SPINT1: variants seen among roughly 807,000 people sequenced by gnomAD.
The protein encoded by SPINT1 is serine peptidase inhibitor, Kunitz type 1, also known as kunitz-type protease inhibitor 1.
A neutral mutation model predicts 53.7 loss-of-function variants in SPINT1; 38 were observed. That is an observed-to-expected ratio of 0.71 (90% CI 0.55 to 0.93). The LOEUF (loss-of-function observed/expected upper bound fraction) is 0.93, where lower values mean the gene tolerates loss of function less well. SPINT1 is among the 40% of genes least tolerant of loss of function. The pLI is 0.00. For missense variants in SPINT1, 645 were observed against 692.9 expected, an observed-to-expected ratio of 0.93 and a Z score of 0.78; for synonymous variants, 283 against 280.6, an observed-to-expected ratio of 1.01 and a Z score of -0.08.
At chr15:40,852,627 C>CTGTGTGTGTGTGTGTG (rs3033553) in intron 2 of SPINT1, among the ~76,000 whole-genome samples, 34 of 143,498 alleles carry the variant, frequency 2.4e-4, no homozygotes, top group African/African-American at 8.1e-4. Context: ...AAGTAAGTGT[C>CTGTGTGTGTGTGTGTG]TGTGTGTGTG....
chr15:40,850,198 G>A (rs1391238134), intron 2 of SPINT1, among the ~76,000 whole-genome samples: 2 of 151,994 alleles, frequency 1.3e-5, no homozygotes, highest in Admixed American at 6.6e-5. Flanking sequence ...TCAGCCTCCC[G>A]AGCAGCTGGG....
At position 40,844,495 on chromosome 15, in the gene SPINT1, C is replaced by A; in HGVS notation, c.-60C>A. 1 of 1,531,790 alleles carries A rather than the reference C, an allele frequency of 6.5e-7. No homozygotes were observed. Among genetic ancestry groups the A allele is most frequent in the South Asian group, 1.1e-5 (1 of 89,340 alleles). The allele number at this position is 1,531,790 out of a possible 1,614,324, so 94.9% of individuals were successfully genotyped here. A position where few individuals can be genotyped will look rare whatever the true frequency, so the allele number is the denominator to read the frequency against. Reference sequence around the variant, plus strand: ...GTCCCCTCCCTTCTTCTCAGGTCACCAGCACCCTCGGAACCCAGAGGCCCG... The same window carrying A: ...GTCCCCTCCCTTCTTCTCAGGTCACAAGCACCCTCGGAACCCAGAGGCCCG... On this transcript the variant is annotated 5_prime_UTR_variant, in exon 2 of 11. Coordinates refer to ENST00000562057, the MANE Select transcript of SPINT1 (RefSeq NM_003710.4). The surrounding 1 kb of genome is among the most constrained non-coding windows in gnomAD (Gnocchi z 5.8).
At chr15:40,849,119 A>G (rs647423) in intron 2 of SPINT1, among the ~76,000 whole-genome samples, 98,219 of 151,132 alleles carry the variant, frequency 0.65, 34,663 homozygotes, top group East Asian at 0.99. Flanking sequence ...GGTGGTGGGC[A>G]CCTGTAGTCC....
At position 40,854,496 on chromosome 15, in the gene SPINT1, C is replaced by T. The variant is rs1285555339; in HGVS notation, c.1040C>T (p.Ala347Val). The change falls in exon 7 of 11, where the codon GCC becomes GTC. Residue 347 changes from alanine to valine, a missense_variant. Transcript: ENST00000562057. ...ECDDTPNCPDASDEAACEKYT... is the reference protein window; with the variant it reads ...ECDDTPNCPDVSDEAACEKYT... ...GACGACACCCCCAACTGCCCCGACGCCTCCGACGAGGCTGCCTGTGAAAAA... is the reference window on the plus strand; with the variant it reads ...GACGACACCCCCAACTGCCCCGACGTCTCCGACGAGGCTGCCTGTGAAAAA... 2 of 1,613,418 alleles carry T rather than the reference C, an allele frequency of 1.2e-6. No homozygotes were observed. Among genetic ancestry groups the T allele is most frequent in the South Asian group, 2.2e-5 (2 of 91,058 alleles).
chr15:40,847,589 G>A (rs565496928), intron 2 of SPINT1, among the ~76,000 whole-genome samples: 25 of 152,110 alleles, frequency 1.6e-4, no homozygotes, highest in Non-Finnish European at 3.2e-4. Flanking sequence ...CTTAGGAGGC[G>A]GAGTCTGCAC....
At chr15:40,851,294 C>G (rs889173700) in intron 2 of SPINT1, among the ~76,000 whole-genome samples, 2 of 152,078 alleles carry the variant, frequency 1.3e-5, no homozygotes, top group African/African-American at 4.8e-5. Context: ...GCTGGGATTA[C>G]AGACATGTGC....
intron 10 of SPINT1, among the ~76,000 whole-genome samples, 179 bp downstream of exon 10, chr15:40,856,502 T>G (rs1229457577): frequency 6.6e-6 from 1 of 152,088 alleles, no homozygotes; most frequent in African/African-American, 2.4e-5. Context: ...TACAGTAAAG[T>G]GCGTGCCGAT....
intron 8 of SPINT1, 107 bp from the exon 9 acceptor site, chr15:40,855,785 G>A: frequency 7.7e-7 from 1 of 1,292,420 alleles, no homozygotes. Flanking sequence ...GGCCCTCCCT[G>A]AGCCATGGCA....
rs1381151933 is a variant in SPINT1, at chr15:40,853,209, A to C, written c.561A>C (p.Thr187=). ...EPLVLKDVEN[T]DWRLLRGDTD... ...TGGTGCTGAAGGATGTGGAAAACAC[A>C]GATTGGCGCCTACTGCGGGGTGACA... is the stretch of plus-strand genomic sequence containing the variant. Residue 187 remains threonine, a synonymous_variant, in exon 3 of 11, where the codon ACA becomes ACC. Coordinates refer to ENST00000562057, the MANE Select transcript of SPINT1 (RefSeq NM_003710.4). 6.2e-7 allele frequency: 1 copy of C among 1,614,096 alleles called. No individual in the cohort carries two copies. Among genetic ancestry groups the C allele is most frequent in the African/African-American group, 1.3e-5 (1 of 74,952 alleles).
At chr15:40,845,543 G>A (rs1021516684) in intron 2 of SPINT1, among the ~76,000 whole-genome samples, 2 of 152,164 alleles carry the variant, frequency 1.3e-5, no homozygotes, top group East Asian at 1.9e-4. Context: ...CCTTCACATC[G>A]GTAGTAGGCA....
chr15:40,844,321 T>G lies in SPINT1; in HGVS notation c.-66+135T>G. Reference sequence around the variant, plus strand: ...CGGTCCGCCTGTCCGTCTGTCTGGCTGCCGGGTCCCTGGAGGGCGCGTGGG... The same window carrying G: ...CGGTCCGCCTGTCCGTCTGTCTGGCGGCCGGGTCCCTGGAGGGCGCGTGGG... On this transcript the variant is annotated intron_variant, in intron 1 of 10. Transcript: ENST00000562057. The surrounding 1 kb of genome is among the most constrained non-coding windows in gnomAD (Gnocchi z 5.8). 1 of 599,972 alleles carries G rather than the reference T, an allele frequency of 1.7e-6. No individual in the cohort carries two copies. The highest frequency in any genetic ancestry group is 2.9e-6 in the Non-Finnish European group (1 of 339,378). The allele number at this position is 599,972 out of a possible 1,614,324, so 37.2% of individuals were successfully genotyped here. A position where few individuals can be genotyped will look rare whatever the true frequency, so the allele number is the denominator to read the frequency against.
rs1489854014 is a variant in SPINT1 at position 40,857,666 on chromosome 15, C to T, written c.*691C>T. On this transcript the variant is annotated 3_prime_UTR_variant, in exon 11 of 11. Coordinates refer to ENST00000562057, the MANE Select transcript of SPINT1 (RefSeq NM_003710.4). ...AAAGTGGTTTGTGGAGTTTCTGGCT[C>T]TGTTCTGTGGGCCAGGAGAGGGACT... The T allele has an allele frequency of 6.6e-6, 1 of 152,344 alleles. No homozygotes were observed. The highest frequency in any genetic ancestry group is 1.5e-5 in the Non-Finnish European group (1 of 68,152). The allele number at this position is 152,344 out of a possible 1,614,324, so 9.4% of individuals were successfully genotyped here.
intron 2 of SPINT1, among the ~76,000 whole-genome samples, chr15:40,848,274 C>T (rs549970820): frequency 1.3e-5 from 2 of 152,298 alleles, no homozygotes; most frequent in East Asian, 3.9e-4. Flanking sequence ...CTGTTCTTAG[C>T]TCTTTACCTT....
chr15:40,844,863 G>A lies in SPINT1; in HGVS notation c.309G>A (p.Glu103=), dbSNP rs780877965. The A allele has an allele frequency of 6.2e-7, 1 of 1,613,904 alleles. No individual in the cohort carries two copies. Among genetic ancestry groups the A allele is most frequent in the Non-Finnish European group, 8.5e-7 (1 of 1,180,014 alleles). ...AGAACTGCAACTTGGCGCTAGTGGA[G>A]CTGCAGCCCGACCGCGGGGAGGACG... is the stretch of plus-strand genomic sequence containing the variant. ...TTQNCNLALV[E]LQPDRGEDAI... Residue 103 remains glutamate (E), a synonymous_variant, in exon 2 of 11, where the codon GAG becomes GAA. Coordinates refer to ENST00000562057, the MANE Select transcript of SPINT1 (RefSeq NM_003710.4). This position sits in a 1 kb window ranked among gnomAD's most constrained non-coding sequence, Gnocchi z 5.8.
At position 40,856,300 on chromosome 15, in the gene SPINT1, G is replaced by A. The variant is rs200944233; in HGVS notation, c.1313G>A (p.Arg438Gln). The A allele has an allele frequency of 1.5e-4, 242 of 1,614,136 alleles. 1 individual carries two copies. The East Asian group carries it at 1.8e-3, about 12-fold the overall frequency. ...ISKKDVFGLRREIPIPSTGSV... is the reference protein window; with the variant it reads ...ISKKDVFGLRQEIPIPSTGSV... The stretch of plus-strand genomic sequence containing the variant: ...GAGAAGGATGTGTTTGGCCTGAGGC[G>A]GGAAATCCCCATTCCCAGCACAGGT... Residue 438 changes from arginine (R) to glutamine (Q), a missense_variant, in exon 10 of 11, where the codon CGG (arginine) becomes CAG (glutamine). By Grantham distance (43) the Arg-to-Gln change is conservative (BLOSUM62 1). Coordinates refer to ENST00000562057, the MANE Select transcript of SPINT1 (RefSeq NM_003710.4).
At chr15:40,849,950 A>G (rs1891408391) in intron 2 of SPINT1, among the ~76,000 whole-genome samples, 1 of 152,252 alleles carries the variant, frequency 6.6e-6, no homozygotes, top group Non-Finnish European at 1.5e-5. Flanking sequence ...GTTACATGAA[A>G]GCAGCCATAC....
At position 40,854,496 on chromosome 15, in the gene SPINT1, C is replaced by A; in HGVS notation, c.1040C>A (p.Ala347Asp). 2 of 1,613,536 alleles carry A rather than the reference C, an allele frequency of 1.2e-6. No homozygotes were observed. Among genetic ancestry groups the A allele is most frequent in the Non-Finnish European group, 1.7e-6 (2 of 1,179,894 alleles). ...ECDDTPNCPDASDEAACEKYT... is the reference protein window; with the variant it reads ...ECDDTPNCPDDSDEAACEKYT... Reference sequence around the variant, plus strand: ...GACGACACCCCCAACTGCCCCGACGCCTCCGACGAGGCTGCCTGTGAAAAA... The same window carrying A: ...GACGACACCCCCAACTGCCCCGACGACTCCGACGAGGCTGCCTGTGAAAAA... Residue 347 changes from alanine (A) to aspartate (D), a missense_variant, in exon 7 of 11, where the codon GCC (alanine) becomes GAC (aspartate). Physicochemically the swap from Ala to Asp is moderately radical, Grantham distance 126 (BLOSUM62 -2). Transcript: ENST00000562057.
In SPINT1 at chr15:40,844,725, G is replaced by C. The variant is rs1247649796; in HGVS notation, c.171G>C (p.Gly57=). 2 of 1,609,138 alleles carry C rather than the reference G, an allele frequency of 1.2e-6. No homozygotes were observed. The highest frequency in any genetic ancestry group is 1.7e-6 in the Non-Finnish European group (2 of 1,177,272). ...ACTGCCTGAACAGCTTTACCGCCGG[G>C]GTGCCTGGCTTCGTGCTGGACACCA... ...GADCLNSFTA[G]VPGFVLDTNA... The change falls in exon 2 of 11, where the codon GGG becomes GGC. Residue 57 remains glycine, a synonymous_variant. Coordinates refer to ENST00000562057, the MANE Select transcript of SPINT1 (RefSeq NM_003710.4). This position sits in a 1 kb window ranked among gnomAD's most constrained non-coding sequence, Gnocchi z 5.8.
Position 40,844,418 on chromosome 15 carries a change from C to A in SPINT1, c.-65-72C>A. 1.1e-6 allele frequency: 1 copy of A among 937,260 alleles called. No homozygotes were observed. The highest frequency in any genetic ancestry group is 1.7e-6 in the Non-Finnish European group (1 of 590,444). The allele number at this position is 937,260 out of a possible 1,614,324, so 58.1% of individuals were successfully genotyped here. A position where few individuals can be genotyped will look rare whatever the true frequency, so the allele number is the denominator to read the frequency against. On this transcript the variant is annotated intron_variant, in intron 1 of 10. Transcript: ENST00000562057. The surrounding 1 kb of genome is among the most constrained non-coding windows in gnomAD (Gnocchi z 5.8). ...CTCCTCCCCGCCACTTCCTCCCGGC[C>A]GGCCCGCCTCCTCCAAAGTCTCCCG...
Sources: gnomAD v4.1 joint callset for allele counts (sites outside exome capture counted in the v4.1 genomes callset) on GRCh38, gnomAD v4.1.1 for gene constraint, Gnocchi (gnomAD v3.1) non-coding constraint, MANE v1.5 for transcripts, NCBI Gene and HGNC (gene_info 2026-07-23, HGNC 2026-07-21) for gene names.